NCBP3: variants seen among roughly 807,000 people sequenced by gnomAD.
NCBP3 encodes nuclear cap binding subunit 3, also known as nuclear cap-binding protein subunit 3.
Under a neutral mutation model 75.7 loss-of-function variants are expected in NCBP3, and 20 were observed. That is an observed-to-expected ratio of 0.26 (90% CI 0.19 to 0.38). The LOEUF is 0.38. NCBP3 is among the 10% of genes least tolerant of loss of function. NCBP3 has a pLI of 1.00. For synonymous variants in NCBP3, 293 were observed against 290.5 expected (o/e 1.01, Z -0.09); for missense variants, 678 against 796.9 (o/e 0.85, Z 1.80).
At chr17:3,826,745 G>GA (rs1032057226) in intron 4 of NCBP3, among the ~76,000 whole-genome samples, 3 of 143,026 alleles carry the variant, frequency 2.1e-5, no homozygotes, top group Non-Finnish European at 1.5e-5. Flanking sequence ...ATGAAAGAAA[G>GA]AAAAAGAGAG....
At chr17:3,820,876 G>A (rs536429108) in intron 9 of NCBP3, among the ~76,000 whole-genome samples, 171 of 151,664 alleles carry the variant, frequency 1.1e-3, no homozygotes, top group African/African-American at 4.0e-3. Context: ...GTTGCAGTGA[G>A]CCGAGATCAA....
At position 3,818,212 on chromosome 17, in the gene NCBP3, C is replaced by A; in HGVS notation, c.1310+51G>T. ...AATTAGGAGGAATTAAGAAGTTATA[C>A]TAGTATTTAAAATCAAATTAAAAGC... On this transcript the variant is annotated intron_variant, in intron 10 of 12. Transcript: ENST00000389005. This position sits in a 1 kb window ranked among gnomAD's most constrained non-coding sequence, Gnocchi z 4.7. The A allele has an allele frequency of 7.8e-7, 1 of 1,278,362 alleles. No homozygotes were observed. Among genetic ancestry groups the A allele is most frequent in the Non-Finnish European group, 1.1e-6 (1 of 919,426 alleles). 79.2% of individuals were successfully genotyped at this position (1,278,362 alleles called of 1,614,324 possible).
At chr17:3,844,501 G>A (rs1300754132) in intron 1 of NCBP3, among the ~76,000 whole-genome samples, 1 of 152,194 alleles carries the variant, frequency 6.6e-6, no homozygotes, top group Non-Finnish European at 1.5e-5. Flanking sequence ...CCAGGAGGGA[G>A]GTTGAGCTTG....
rs555430665 is a variant in NCBP3 at position 3,806,177 on chromosome 17, C to G, written c.*6867G>C. 3.7e-4 allele frequency: 57 copies of G among 152,310 alleles called. No homozygotes were observed. The highest frequency in any genetic ancestry group is 1.2e-3 in the African/African-American group (51 of 41,524). 9.4% of individuals were successfully genotyped at this position (152,310 alleles called of 1,614,324 possible). ...CACTGCAACCTCTGCCTCCCGGGTT[C>G]AAGTAATTCTCCTGTCTCAGCCTCC... On this transcript the variant is annotated 3_prime_UTR_variant, in exon 13 of 13. Coordinates refer to ENST00000389005, the MANE Select transcript of NCBP3 (RefSeq NM_001114118.3).
intron 3 of NCBP3, among the ~76,000 whole-genome samples, chr17:3,836,557 G>A (rs1031677911): frequency 2.0e-5 from 3 of 151,716 alleles, no homozygotes; most frequent in African/African-American, 7.3e-5. Flanking sequence ...GGAAGCTGAG[G>A]CAGGAGAATC....
intron 3 of NCBP3, among the ~76,000 whole-genome samples, chr17:3,833,414 A>ATCTCTC (rs971835908): frequency 6.6e-6 from 1 of 152,086 alleles, no homozygotes; most frequent in Non-Finnish European, 1.5e-5. Flanking sequence ...CAGCGCCTGC[A>ATCTCTC]TCTCTCTCTT....
rs545523924 is a variant in NCBP3, at chr17:3,836,519, G to A, written c.355+3581C>T. Among the ~76,000 whole-genome samples, 7 of 151,920 alleles carry A rather than the reference G, an allele frequency of 4.6e-5. No homozygotes were observed. In the South Asian group the frequency reaches 1.2e-3, roughly 27 times the overall value. On this transcript the variant is annotated intron_variant, in intron 3 of 12. Coordinates refer to ENST00000389005, the MANE Select transcript of NCBP3 (RefSeq NM_001114118.3). ...AATATAAAAATTGGCTGGCCGTGGT[G>A]GCAGGTGCCTGTAATCCCAGCTACT...
intron 4 of NCBP3, among the ~76,000 whole-genome samples, chr17:3,827,719 T>C (rs1487850607): frequency 6.6e-6 from 1 of 152,186 alleles, no homozygotes; most frequent in African/African-American, 2.4e-5. Context: ...ACAAGGTAGG[T>C]GAACTATGTA....
At chr17:3,844,857 C>A (rs1293025634) in intron 1 of NCBP3, among the ~76,000 whole-genome samples, 1 of 152,120 alleles carries the variant, frequency 6.6e-6, no homozygotes, top group Non-Finnish European at 1.5e-5. Flanking sequence ...TGGCTTGAAC[C>A]CGGGAGGCGG....
At chr17:3,825,647 CAGA>C in intron 6 of NCBP3, 117 bp downstream of exon 6, 2 of 677,722 alleles carry the variant, frequency 3.0e-6, no homozygotes. Context: ...GGTGCACCCT[CAGA>C]AGGTCTAATG....
At chr17:3,845,949 G>A in intron 1 of NCBP3, 92 bp downstream of exon 1, 1 of 1,392,884 alleles carries the variant, frequency 7.2e-7, no homozygotes. Flanking sequence ...GACTTCCCCG[G>A]CTGGGGCTCC....
intron 4 of NCBP3, 108 bp downstream of exon 4, chr17:3,829,135 C>T (rs1212168312): frequency 8.1e-6 from 10 of 1,238,694 alleles, no homozygotes; most frequent in East Asian, 7.7e-5. Context: ...AGCAGAAGTT[C>T]GGCATAAACA....
intron 4 of NCBP3, among the ~76,000 whole-genome samples, chr17:3,828,698 G>A (rs2143680895): frequency 6.6e-6 from 1 of 152,164 alleles, no homozygotes; most frequent in Non-Finnish European, 1.5e-5. Flanking sequence ...GGGCAAGCAG[G>A]TGACATTCTA....
At chr17:3,813,716 C>G (rs1451655126) in intron 12 of NCBP3, among the ~76,000 whole-genome samples, 1 of 152,126 alleles carries the variant, frequency 6.6e-6, no homozygotes, top group Non-Finnish European at 1.5e-5. Context: ...ATTTTGTAGA[C>G]GGCCACATTA....
chr17:3,828,372 C>T (rs2053823451), intron 4 of NCBP3, among the ~76,000 whole-genome samples: 1 of 152,182 alleles, frequency 6.6e-6, no homozygotes, highest in Non-Finnish European at 1.5e-5. Context: ...TGCATTCCAG[C>T]CCTTTACAGA....
In NCBP3 at chr17:3,825,793, C is replaced by T. The variant is rs1443585652; in HGVS notation, c.661G>A (p.Glu221Lys). ...DDDEAEEGEV[E>K]DENSSDVELD... is the part of the protein sequence containing the mutation. Reference sequence around the variant, plus strand: ...TCTACATCACTTGAGTTCTCATCTTCAACCTCTCCTTCTTCAGCTTCATCA... The same window carrying T: ...TCTACATCACTTGAGTTCTCATCTTTAACCTCTCCTTCTTCAGCTTCATCA... Residue 221 changes from glutamate (E) to lysine (K), a missense_variant, in exon 6 of 13, where the codon GAA becomes AAA. Coordinates refer to ENST00000389005, the MANE Select transcript of NCBP3 (RefSeq NM_001114118.3). 1 of 1,551,410 alleles carries T rather than the reference C, an allele frequency of 6.4e-7. No homozygotes were observed. The highest frequency in any genetic ancestry group is 1.2e-5 in the South Asian group (1 of 84,052).
chr17:3,829,301 G>C lies in NCBP3; in HGVS notation c.423C>G (p.Val141=). The change falls in exon 4 of 13, where the codon GTC becomes GTG. Residue 141 remains valine (V), a synonymous_variant. Transcript: ENST00000389005. ...GAGGATATTCTTTAAAATAGGAAAA[G>C]ACATCTTGGGTGCTCATCTCATCTA... The part of the protein sequence containing the change: ...CGVDEMSTQD[V]FSYFKEYPPA... 2 of 1,551,666 alleles carry C rather than the reference G, an allele frequency of 1.3e-6. No individual in the cohort carries two copies. The highest frequency in any genetic ancestry group is 1.7e-6 in the Non-Finnish European group (2 of 1,146,958).
intron 9 of NCBP3, among the ~76,000 whole-genome samples, chr17:3,820,909 GAC>G (rs2053649442): frequency 6.6e-6 from 1 of 150,388 alleles, no homozygotes; most frequent in South Asian, 2.1e-4. Flanking sequence ...CAGCCTGAGA[GAC>G]AGAGCGAGAC....
rs1194934649 is a variant in NCBP3, at chr17:3,814,459, C to G, written c.1490G>C (p.Arg497Thr). 1 of 1,614,202 alleles carries G rather than the reference C, an allele frequency of 6.2e-7. No homozygotes were observed. Among genetic ancestry groups the G allele is most frequent in the South Asian group, 1.1e-5 (1 of 91,092 alleles). The change falls in exon 12 of 13, where the codon AGA becomes ACA. Residue 497 changes from arginine to threonine, a missense_variant. Coordinates refer to ENST00000389005, the MANE Select transcript of NCBP3 (RefSeq NM_001114118.3). ...AAAAGCCTTTTCCGGAGAATGTGGT[C>G]TTTTTCCTAACCGCTGGCGTATATC... is the stretch of plus-strand genomic sequence containing the variant. ...KSDIRQRLGK[R>T]PHSPEKAFSS...
Sources: allele counts gnomAD v4.1 joint callset (sites outside exome capture counted in the v4.1 genomes callset), GRCh38; gene constraint gnomAD v4.1.1; non-coding constraint Gnocchi (gnomAD v3.1); transcripts MANE v1.5; gene names NCBI Gene and HGNC (gene_info 2026-07-23, HGNC 2026-07-21).